CLNK: variants seen among roughly 807,000 people sequenced by gnomAD.
The protein encoded by CLNK is cytokine dependent hematopoietic cell linker.
In CLNK, 74 loss-of-function variants were observed where a neutral mutation model predicts 68.6. The ratio of observed to expected loss-of-function variants is 1.08; its 90% CI spans 0.89 to 1.31. CLNK has a LOEUF of 1.31. Ranked by LOEUF, CLNK falls within the 50% of genes most tolerant of loss-of-function variation. The pLI is 0.00. For missense variants in CLNK, 553 were observed against 515.3 expected (o/e 1.07, Z -0.71); for synonymous variants, 198 against 172.2 (o/e 1.15, Z -1.17).
intron 4 of CLNK, among the ~76,000 whole-genome samples, chr4:10,572,546 C>G (rs994449970): frequency 6.6e-6 from 1 of 152,204 alleles, no homozygotes; most frequent in African/African-American, 2.4e-5. Context: ...TAGCCTGCAT[C>G]AGGGAGCATT....
intron 3 of CLNK, among the ~76,000 whole-genome samples, chr4:10,586,361 G>A (rs951112164): frequency 2.1e-5 from 3 of 142,158 alleles, no homozygotes; most frequent in Non-Finnish European, 4.5e-5. Flanking sequence ...TTTTGAGACA[G>A]AGTCTCTGTC....
chr4:10,592,108 A>G (rs866535898), intron 3 of CLNK, among the ~76,000 whole-genome samples: 1 of 152,184 alleles, frequency 6.6e-6, no homozygotes, highest in Non-Finnish European at 1.5e-5. Flanking sequence ...TCTTACTCGA[A>G]TCATGCATTT....
At chr4:10,582,764 T>C (rs1720828261) in intron 4 of CLNK, among the ~76,000 whole-genome samples, 1 of 152,084 alleles carries the variant, frequency 6.6e-6, no homozygotes, top group Non-Finnish European at 1.5e-5. Context: ...GACACAGATA[T>C]GCAAAAAAGA....
the CLNK span, among the ~76,000 whole-genome samples, chr4:10,722,431 G>A: frequency 6.6e-6 from 1 of 152,148 alleles, no homozygotes; most frequent in African/African-American, 2.4e-5. Flanking sequence ...CTCTGCGTGT[G>A]TTCCTGCTGT....
intron 2 of CLNK, among the ~76,000 whole-genome samples, chr4:10,631,536 CA>C (rs138121689): frequency 0.11 from 17,440 of 152,074 alleles, 1,045 homozygotes; most frequent in East Asian, 0.16. Flanking sequence ...GGTGGATAGG[CA>C]GTTGATCAAT....
the CLNK span, among the ~76,000 whole-genome samples, chr4:10,715,503 T>A: frequency 6.6e-6 from 1 of 152,216 alleles, no homozygotes; most frequent in Non-Finnish European, 1.5e-5. Flanking sequence ...AATAATAGGA[T>A]CTGTAAGGGA....
At chr4:10,604,707 G>T (rs550914016) in intron 2 of CLNK, among the ~76,000 whole-genome samples, 1 of 151,594 alleles carries the variant, frequency 6.6e-6, no homozygotes, top group South Asian at 2.1e-4. Flanking sequence ...CTGAAAATTT[G>T]AGCTGTAACC....
At chr4:10,630,775 G>A (rs1722855506) in intron 2 of CLNK, among the ~76,000 whole-genome samples, 1 of 152,090 alleles carries the variant, frequency 6.6e-6, no homozygotes, top group Admixed American at 6.5e-5. Flanking sequence ...TACTTATGAG[G>A]TACTTACCAC....
rs1725207295 is a variant in CLNK at position 10,684,728 on chromosome 4, G to T, written c.-103C>A. 1 of 152,226 alleles carries T rather than the reference G, an allele frequency of 6.6e-6. No homozygotes were observed. Among genetic ancestry groups the T allele is most frequent in the Admixed American group, 6.5e-5 (1 of 15,282 alleles). 9.4% of individuals were successfully genotyped at this position (152,226 alleles called of 1,614,324 possible). ...GAGGTGTCCGTCTCCTGTGAGGAGG[G>T]GCGGCAGTGCAGAGACCTTGGGGCA... is the stretch of plus-strand genomic sequence containing the variant. On this transcript the variant is annotated 5_prime_UTR_variant, in exon 1 of 19. Transcript: ENST00000226951.
At chr4:10,718,609 A>C in the CLNK span, among the ~76,000 whole-genome samples, 4 of 150,518 alleles carry the variant, frequency 2.7e-5, no homozygotes, top group Admixed American at 1.3e-4. Context: ...CAAAAAAAAA[A>C]CTAGAAGAAT....
At chr4:10,535,744 T>C (rs1201368656) in intron 11 of CLNK, among the ~76,000 whole-genome samples, 1 of 152,180 alleles carries the variant, frequency 6.6e-6, no homozygotes, top group Admixed American at 6.5e-5. Context: ...GAGGTAAAAT[T>C]CCCCAGAGCT....
intron 3 of CLNK, among the ~76,000 whole-genome samples, chr4:10,593,443 T>A (rs1721264118): frequency 6.6e-6 from 1 of 151,970 alleles, no homozygotes; most frequent in South Asian, 2.1e-4. Flanking sequence ...TCACTTGAGG[T>A]CAGGAGTTCG....
At chr4:10,690,082 A>T in the CLNK span, among the ~76,000 whole-genome samples, 2 of 152,314 alleles carry the variant, frequency 1.3e-5, no homozygotes, top group East Asian at 3.9e-4. Flanking sequence ...GGTCTATGGC[A>T]TGAGTTAGAC....
Position 10,668,060 on chromosome 4 carries a change from G to A in CLNK, c.-42-149C>T, listed in dbSNP as rs1724477941. 4 of 452,930 alleles carry A rather than the reference G, an allele frequency of 8.8e-6. No homozygotes were observed. The South Asian group carries it at 1.7e-4, about 19-fold the overall frequency. 28.1% of individuals were successfully genotyped at this position (452,930 alleles called of 1,614,324 possible). ...AGAGAATCAATCCAGGTCAAGAATT[G>A]GCTTATTTCTGGAACACAGTTGGGG... On this transcript the variant is annotated intron_variant, in intron 1 of 18. Coordinates refer to ENST00000226951, the MANE Select transcript of CLNK (RefSeq NM_052964.4).
At chr4:10,490,954 A>G (rs1043018266) in intron 18 of CLNK, among the ~76,000 whole-genome samples, 3 of 152,052 alleles carry the variant, frequency 2.0e-5, no homozygotes, top group Non-Finnish European at 4.4e-5. Flanking sequence ...TAGTAGAGAC[A>G]GGGTTTCGCC....
chr4:10,552,987 G>C (rs1345038621), intron 8 of CLNK, among the ~76,000 whole-genome samples: 1 of 152,100 alleles, frequency 6.6e-6, no homozygotes. Context: ...GAAAAACTAA[G>C]TAGAAAAGAG....
At chr4:10,659,562 C>T (rs191494254) in intron 2 of CLNK, among the ~76,000 whole-genome samples, 1 of 152,330 alleles carries the variant, frequency 6.6e-6, no homozygotes, top group East Asian at 1.9e-4. Context: ...ACTTTATCAT[C>T]TCCTTTCACG....
intron 14 of CLNK, chr4:10,523,858 C>A: frequency 3.5e-6 from 1 of 287,828 alleles, no homozygotes; most frequent in Non-Finnish European, 7.0e-6. Flanking sequence ...GACCCCTTCT[C>A]TACAAAGAGT....
the CLNK span, among the ~76,000 whole-genome samples, chr4:10,714,659 T>C: frequency 6.6e-6 from 1 of 151,058 alleles, no homozygotes; most frequent in African/African-American, 2.4e-5. Flanking sequence ...TAATCTAAAA[T>C]ATCTTAGATA....
Sources: allele counts gnomAD v4.1 joint callset (sites outside exome capture counted in the v4.1 genomes callset), GRCh38; gene constraint gnomAD v4.1.1; transcripts MANE v1.5; gene names NCBI Gene and HGNC (gene_info 2026-07-23, HGNC 2026-07-21).